The following PTPRD variants were observed in gnomAD, a reference collection of about 807,000 sequenced individuals.
PTPRD encodes receptor-type tyrosine-protein phosphatase delta.
A neutral mutation model predicts 214.5 loss-of-function variants in PTPRD; 34 were observed. The ratio of observed to expected loss-of-function variants is 0.16; its 90% confidence interval spans 0.12 to 0.21. The LOEUF (loss-of-function observed/expected upper bound fraction) is 0.21, where lower values mean the gene tolerates loss of function less well. PTPRD is among the 10% of genes least tolerant of loss of function. The probability of loss-of-function intolerance (pLI) is 1.00; values close to 1 mark genes in which losing one functional copy is unlikely to be tolerated. For missense variants in PTPRD, 2,545 were observed against 2,398.7 expected, an observed-to-expected ratio of 1.06 and a Z score of -1.27; for synonymous variants, 1,128 against 845.7, an observed-to-expected ratio of 1.33 and a Z score of -5.79.
intron 3 of PTPRD, among the ~76,000 whole-genome samples, chr9:10,291,909 G>T (rs1423989288): frequency 1.3e-5 from 2 of 151,988 alleles, no homozygotes; most frequent in African/African-American, 4.8e-5. Context: ...GTGCACCGGG[G>T]AATTATCTGA....
chr9:10,243,745 T>C (rs2091568533), intron 3 of PTPRD, among the ~76,000 whole-genome samples: 1 of 152,082 alleles, frequency 6.6e-6, no homozygotes, highest in Non-Finnish European at 1.5e-5. Context: ...AATTACTATC[T>C]TGCTCCAACC....
In PTPRD at chr9:8,615,904, T is replaced by C. The variant is rs114915956; in HGVS notation, c.352+17413A>G. On this transcript the variant is annotated intron_variant, in intron 14 of 45. Transcript: ENST00000381196. Reference sequence around the variant, plus strand: ...TCAGCTTCAATGAAATATCAATATATGTCAGCTAGTCTGTGCTACAGCCAC... The same window carrying C: ...TCAGCTTCAATGAAATATCAATATACGTCAGCTAGTCTGTGCTACAGCCAC... Among the ~76,000 whole-genome samples the C allele has an allele frequency of 6.2e-3, 941 of 152,264 alleles. 14 individuals carry two copies. Among genetic ancestry groups the C allele is most frequent in the African/African-American group, 0.022 (909 of 41,556 alleles).
intron 8 of PTPRD, among the ~76,000 whole-genome samples, chr9:9,431,969 T>G (rs200682648): frequency 0.054 from 8,007 of 147,092 alleles, 337 homozygotes; most frequent in Middle Eastern, 0.14. Context: ...AAGTTAATGG[T>G]TGCAGCACAC....
intron 12 of PTPRD, among the ~76,000 whole-genome samples, chr9:8,643,595 A>ACTG (rs1284430207): frequency 4.6e-5 from 7 of 152,190 alleles, no homozygotes; most frequent in Admixed American, 6.5e-5. Context: ...CACCACCACC[A>ACTG]CTGCTGCCTC....
chr9:10,395,589 C>T (rs536204091), intron 2 of PTPRD, among the ~76,000 whole-genome samples: 63 of 151,988 alleles, frequency 4.1e-4, no homozygotes, highest in African/African-American at 1.4e-3. Flanking sequence ...AAGATATTAA[C>T]GTTTTGAGAA....
chr9:9,897,944 C>T (rs1361853907), intron 5 of PTPRD, among the ~76,000 whole-genome samples: 1 of 151,174 alleles, frequency 6.6e-6, no homozygotes, highest in Non-Finnish European at 1.5e-5. Context: ...GTAAAAAGGC[C>T]ACAGAAAACA....
At chr9:10,312,441 C>A (rs976562398) in intron 3 of PTPRD, among the ~76,000 whole-genome samples, 2 of 151,674 alleles carry the variant, frequency 1.3e-5, no homozygotes, top group African/African-American at 4.8e-5. Context: ...TATATAGACG[C>A]CTTTTAGTTT....
intron 3 of PTPRD, among the ~76,000 whole-genome samples, chr9:10,110,475 C>A (rs1247282314): frequency 6.6e-6 from 1 of 151,954 alleles, no homozygotes; most frequent in African/African-American, 2.4e-5. Flanking sequence ...CCTCTCCCAA[C>A]AACAAACACT....
rs534894265 is a variant in PTPRD, at chr9:9,234,434, C to G, written c.-202-51071G>C. Among the ~76,000 whole-genome samples, 10 of 152,274 alleles carry G rather than the reference C, an allele frequency of 6.6e-5. No homozygotes were observed. In the East Asian group the frequency reaches 1.4e-3, roughly 21 times the overall value. On this transcript the variant is annotated intron_variant, in intron 9 of 45. Coordinates refer to ENST00000381196, the MANE Select transcript of PTPRD (RefSeq NM_002839.4). ...ACTGCTGTGAAGGTCTTTAACATGC[C>G]CTGGAGACATTTTCCCCATTGTCTT...
chr9:9,318,090 G>A (rs1964296927), intron 9 of PTPRD, among the ~76,000 whole-genome samples: 1 of 152,030 alleles, frequency 6.6e-6, no homozygotes, highest in African/African-American at 2.4e-5. Flanking sequence ...AGAATCATTT[G>A]AACCAGGGAT....
chr9:10,431,719 A>C (rs2098681023), intron 2 of PTPRD, among the ~76,000 whole-genome samples: 1 of 152,162 alleles, frequency 6.6e-6, no homozygotes, highest in African/African-American at 2.4e-5. Context: ...AGAAATGCAA[A>C]TCAAAACCAC....
At chr9:8,462,473 A>C (rs2096439504) in intron 32 of PTPRD, among the ~76,000 whole-genome samples, 1 of 152,026 alleles carries the variant, frequency 6.6e-6, no homozygotes, top group African/African-American at 2.4e-5. Context: ...CTCTCTCTTG[A>C]TTCCCAAATA....
rs570107222 is a variant in PTPRD at position 9,460,676 on chromosome 9, T to C, written c.-236-63194A>G. Among the ~76,000 whole-genome samples the C allele has an allele frequency of 3.9e-5, 6 of 152,058 alleles. No homozygotes were observed. The South Asian group carries it at 1.2e-3, about 31-fold the overall frequency. On this transcript the variant is annotated intron_variant, in intron 8 of 45. Transcript: ENST00000381196. Reference sequence around the variant, plus strand: ...TATTATTAAAAAGTAAAAAATAGCATGTTGGCAAAGATGTGGAGAAAAGGA... The same window carrying C: ...TATTATTAAAAAGTAAAAAATAGCACGTTGGCAAAGATGTGGAGAAAAGGA...
intron 14 of PTPRD, among the ~76,000 whole-genome samples, chr9:8,615,061 A>G (rs989047581): frequency 3.9e-5 from 6 of 152,082 alleles, no homozygotes; most frequent in Admixed American, 6.6e-5. Flanking sequence ...TTCACTGCCA[A>G]CCTGCTTTGA....
intron 9 of PTPRD, among the ~76,000 whole-genome samples, chr9:9,308,043 T>C (rs1412643518): frequency 6.6e-6 from 1 of 152,158 alleles, no homozygotes; most frequent in African/African-American, 2.4e-5. Flanking sequence ...TTTAGCTAGT[T>C]ACTCAGCTTA....
At chr9:9,709,483 A>T (rs1486122514) in intron 7 of PTPRD, among the ~76,000 whole-genome samples, 2 of 152,032 alleles carry the variant, frequency 1.3e-5, no homozygotes, top group Non-Finnish European at 2.9e-5. Context: ...AAAACTAAAA[A>T]TAAAACTGAT....
chr9:8,622,522 G>A (rs779816137), intron 14 of PTPRD, among the ~76,000 whole-genome samples: 6 of 152,066 alleles, frequency 3.9e-5, no homozygotes, highest in East Asian at 1.9e-4. Context: ...CAGTATATAT[G>A]TATAACTGCC....
chr9:8,593,738 T>C (rs958973666), intron 14 of PTPRD, among the ~76,000 whole-genome samples: 1 of 152,154 alleles, frequency 6.6e-6, no homozygotes, highest in African/African-American at 2.4e-5. Context: ...TTTTGGAAAA[T>C]GCAACTTCTA....
intron 36 of PTPRD, among the ~76,000 whole-genome samples, chr9:8,391,597 C>G (rs2089584395): frequency 6.6e-6 from 1 of 152,128 alleles, no homozygotes; most frequent in Non-Finnish European, 1.5e-5. Flanking sequence ...ACAGGAAAAA[C>G]CTACTTTCAA....
Sources: allele counts gnomAD v4.1 joint callset (sites outside exome capture counted in the v4.1 genomes callset), GRCh38; gene constraint gnomAD v4.1.1; transcripts MANE v1.5; gene names NCBI Gene and HGNC (gene_info 2026-07-23, HGNC 2026-07-21).